SLC8A3: variants seen among roughly 807,000 people sequenced by gnomAD.
SLC8A3 encodes solute carrier family 8 member A3.
SLC8A3 carries 37 observed loss-of-function variants against 65.4 expected under a neutral mutation model. The ratio of observed to expected loss-of-function variants is 0.57; its 90% CI spans 0.44 to 0.74. The LOEUF is 0.74. Among genes scored for constraint, SLC8A3 ranks in the 30% least tolerant of loss-of-function variants. The pLI is 0.00. For missense variants in SLC8A3, 1,112 were observed against 1,172.1 expected, an observed-to-expected ratio of 0.95 and a Z score of 0.75; for synonymous variants, 461 against 444.5, an observed-to-expected ratio of 1.04 and a Z score of -0.47.
chr14:70,082,465 T>TAAC (rs923498825), intron 2 of SLC8A3, among the ~76,000 whole-genome samples: 1 of 152,082 alleles, frequency 6.6e-6, no homozygotes, highest in South Asian at 2.1e-4. Context: ...AAATCAACAA[T>TAAC]AACAACAACA....
chr14:70,151,947 G>A (rs1371972950), intron 2 of SLC8A3, among the ~76,000 whole-genome samples: 3 of 151,984 alleles, frequency 2.0e-5, no homozygotes, highest in African/African-American at 7.3e-5. Flanking sequence ...ACTATTAATG[G>A]TTACACCTGC....
intron 1 of SLC8A3, among the ~76,000 whole-genome samples, chr14:70,176,482 G>T (rs764840069): frequency 6.6e-6 from 1 of 152,202 alleles, no homozygotes; most frequent in Non-Finnish European, 1.5e-5. Flanking sequence ...TTGATTTTAA[G>T]ATACAGACAA....
At chr14:70,123,556 T>C (rs986102846) in intron 2 of SLC8A3, among the ~76,000 whole-genome samples, 2 of 151,754 alleles carry the variant, frequency 1.3e-5, no homozygotes, top group African/African-American at 4.8e-5. Context: ...TTCAAGCAAT[T>C]CTCCGGCCTC....
chr14:70,105,694 T>C (rs972072571), intron 2 of SLC8A3, among the ~76,000 whole-genome samples: 7 of 152,192 alleles, frequency 4.6e-5, no homozygotes, highest in African/African-American at 1.7e-4. Flanking sequence ...TTGCATAAAT[T>C]CTTTCAGAAG....
intron 2 of SLC8A3, among the ~76,000 whole-genome samples, chr14:70,077,786 A>C (rs1222315010): frequency 1.3e-5 from 2 of 152,202 alleles, no homozygotes; most frequent in African/African-American, 4.8e-5. Context: ...CGCTTCAGTG[A>C]ATTCTCCTGA....
At chr14:70,121,807 T>C (rs941290821) in intron 2 of SLC8A3, among the ~76,000 whole-genome samples, 1 of 147,158 alleles carries the variant, frequency 6.8e-6, no homozygotes, top group Non-Finnish European at 1.5e-5. Context: ...GAGGCTTTCT[T>C]TTCAAAAATT....
rs1031014870 is a variant in SLC8A3 at position 70,075,336 on chromosome 14, T to C, written c.1785-14397A>G. Among the ~76,000 whole-genome samples the C allele has an allele frequency of 5.3e-5, 8 of 152,306 alleles. No homozygotes were observed. The East Asian group carries it at 1.4e-3, about 26-fold the overall frequency. On this transcript the variant is annotated intron_variant, in intron 2 of 6. Transcript: ENST00000356921. ...CTCACCAGAGGAACTATCTGCCCTT[T>C]GCAAGAGCTCAGCTCCCACGTGCCT...
chr14:70,135,655 C>A (rs1895140637), intron 2 of SLC8A3, among the ~76,000 whole-genome samples: 1 of 151,676 alleles, frequency 6.6e-6, no homozygotes, highest in African/African-American at 2.4e-5. Context: ...AAGACAAACA[C>A]TGCATAGTCT....
intron 2 of SLC8A3, among the ~76,000 whole-genome samples, chr14:70,132,959 C>T (rs1894945984): frequency 1.3e-5 from 2 of 152,208 alleles, no homozygotes; most frequent in Non-Finnish European, 2.9e-5. Context: ...CTGCTTATCA[C>T]TAACTGTTGT....
intron 3 of SLC8A3, chr14:70,055,696 C>T (rs1315605085): frequency 1.1e-6 from 1 of 942,348 alleles, no homozygotes; most frequent in Non-Finnish European, 1.6e-6. Flanking sequence ...TAACTTGAGC[C>T]TGCAGTTCTT....
At chr14:70,115,612 T>C (rs1038444028) in intron 2 of SLC8A3, among the ~76,000 whole-genome samples, 3 of 152,130 alleles carry the variant, frequency 2.0e-5, no homozygotes, top group Admixed American at 2.0e-4. Context: ...AGAGGGACGA[T>C]GGGAAGCACA....
intron 2 of SLC8A3, among the ~76,000 whole-genome samples, chr14:70,147,648 C>G (rs1896014668): frequency 6.6e-6 from 1 of 152,174 alleles, no homozygotes; most frequent in South Asian, 2.1e-4. Flanking sequence ...GAGAGATTCT[C>G]TCTCCCCGTG....
chr14:70,093,819 T>C (rs1393411654), intron 2 of SLC8A3, among the ~76,000 whole-genome samples: 1 of 152,172 alleles, frequency 6.6e-6, no homozygotes, highest in Admixed American at 6.5e-5. Flanking sequence ...GTCATGAAAA[T>C]GGAGCCTGTG....
intron 2 of SLC8A3, among the ~76,000 whole-genome samples, chr14:70,119,410 T>C (rs1893890447): frequency 6.6e-6 from 1 of 152,216 alleles, no homozygotes; most frequent in South Asian, 2.1e-4. Flanking sequence ...AGGGCTTTGC[T>C]ATGGTCAAGC....
chr14:70,105,767 C>T (rs1338982415), intron 2 of SLC8A3, among the ~76,000 whole-genome samples: 3 of 152,030 alleles, frequency 2.0e-5, no homozygotes, highest in Admixed American at 1.3e-4. Flanking sequence ...TTTCTTAAAC[C>T]CTTACAAAAA....
At chr14:70,081,139 T>C (rs1891018976) in intron 2 of SLC8A3, among the ~76,000 whole-genome samples, 1 of 152,212 alleles carries the variant, frequency 6.6e-6, no homozygotes, top group Non-Finnish European at 1.5e-5. Context: ...CAAGTTGAAG[T>C]GGAGAATCTC....
At chr14:70,065,397 C>A (rs927095585) in intron 2 of SLC8A3, among the ~76,000 whole-genome samples, 5 of 152,176 alleles carry the variant, frequency 3.3e-5, no homozygotes, top group African/African-American at 1.2e-4. Flanking sequence ...ACTTGCCACA[C>A]CCACCCCAGT....
At chr14:70,107,753 G>A (rs117595761) in intron 2 of SLC8A3, among the ~76,000 whole-genome samples, 2 of 152,174 alleles carry the variant, frequency 1.3e-5, no homozygotes, top group East Asian at 3.9e-4. Flanking sequence ...ACTCCAGCAG[G>A]AGCTCCCTGC....
Position 70,063,849 on chromosome 14 carries a change from C to T in SLC8A3, c.1785-2910G>A, listed in dbSNP as rs77756572. On this transcript the variant is annotated intron_variant, in intron 2 of 6. Transcript: ENST00000356921. Reference sequence around the variant, plus strand: ...TTTCTGAAAACTCATATCCACCATGCGGGGGCCCATCATCTCAATGAAGTA... The same window carrying T: ...TTTCTGAAAACTCATATCCACCATGTGGGGGCCCATCATCTCAATGAAGTA... 1,315 of 1,607,870 alleles carry T rather than the reference C, an allele frequency of 8.2e-4. 16 individuals carry two copies. The East Asian group carries it at 0.026, about 31-fold the overall frequency.
Sources: allele counts gnomAD v4.1 joint callset (sites outside exome capture counted in the v4.1 genomes callset), GRCh38; gene constraint gnomAD v4.1.1; transcripts MANE v1.5; gene names NCBI Gene and HGNC (gene_info 2026-07-23, HGNC 2026-07-21).